Variants in NSUN6 observed in about 807,000 individuals in gnomAD.
The protein encoded by NSUN6 is NOP2/Sun RNA methyltransferase 6.
NSUN6 carries 64 observed loss-of-function variants against 58.0 expected under a neutral mutation model. The ratio of observed to expected loss-of-function variants is 1.10; its 90% CI spans 0.90 to 1.36. The LOEUF (loss-of-function observed/expected upper bound fraction) is 1.36. NSUN6 is among the 40% of genes most tolerant of loss of function. The probability of loss-of-function intolerance (pLI) is 0.00; values close to 1 mark genes in which losing one functional copy is unlikely to be tolerated. For missense variants in NSUN6, 701 were observed against 550.1 expected, an observed-to-expected ratio of 1.27 and a Z score of -2.74; for synonymous variants, 231 against 193.9, an observed-to-expected ratio of 1.19 and a Z score of -1.59.
intron 6 of NSUN6, among the ~76,000 whole-genome samples, chr10:18,606,783 G>A (rs940910666): frequency 6.6e-6 from 1 of 152,132 alleles, no homozygotes; most frequent in Non-Finnish European, 1.5e-5. Flanking sequence ...AGAAAATCCA[G>A]GAATAGACTC....
rs2054220356 is a variant in NSUN6 at position 18,545,871 on chromosome 10, A to AAAAAAAAC, written c.*61_*62insGTTTTTTT. On this transcript the variant is annotated 3_prime_UTR_variant, in exon 11 of 11. Coordinates refer to ENST00000377304, the MANE Select transcript of NSUN6 (RefSeq NM_182543.5). ...GTTGGCCTGACAACACTTTGGTTAA[A>AAAAAAAAC]AAAAAAAAAACCACAGACAGCAAAT... The AAAAAAAAC allele has an allele frequency of 7.0e-6, 7 of 1,004,962 alleles. No homozygotes were observed. The highest frequency in any genetic ancestry group is 2.4e-5 in the East Asian group (1 of 41,726). 62.3% of individuals were successfully genotyped at this position (1,004,962 alleles called of 1,614,324 possible). A position where few individuals can be genotyped will look rare whatever the true frequency, so the allele number is the denominator to read the frequency against.
intron 3 of NSUN6, among the ~76,000 whole-genome samples, chr10:18,627,066 T>G (rs188647851): frequency 7.9e-5 from 12 of 152,320 alleles, no homozygotes; most frequent in African/African-American, 2.6e-4. Flanking sequence ...AAAGGCTCTT[T>G]TATCAAGACA....
intron 8 of NSUN6, among the ~76,000 whole-genome samples, chr10:18,567,962 C>CTCCATTCCATTCCCCAT (rs762868661): frequency 4.0e-5 from 6 of 150,310 alleles, no homozygotes; most frequent in African/African-American, 1.5e-4. Context: ...CTATTCCTTT[C>CTCCATTCCATTCCCCAT]TCCATTCCAT....
intron 6 of NSUN6, among the ~76,000 whole-genome samples, chr10:18,602,607 T>G (rs1329668210): frequency 6.6e-6 from 1 of 152,094 alleles, no homozygotes; most frequent in Non-Finnish European, 1.5e-5. Flanking sequence ...TGACCTCAAG[T>G]GATCCACCTG....
At chr10:18,634,258 C>G (rs1382365367) in intron 3 of NSUN6, among the ~76,000 whole-genome samples, 3 of 152,110 alleles carry the variant, frequency 2.0e-5, no homozygotes, top group African/African-American at 7.2e-5. Flanking sequence ...GCAAACTAAA[C>G]CAGCAGCTGA....
intron 6 of NSUN6, among the ~76,000 whole-genome samples, chr10:18,608,406 C>T (rs879434489): frequency 3.3e-5 from 5 of 152,038 alleles, no homozygotes; most frequent in African/African-American, 9.7e-5. Context: ...AAGGCCAAAA[C>T]GGGAGGATCA....
At chr10:18,546,863 C>T (rs574118380) in intron 10 of NSUN6, among the ~76,000 whole-genome samples, 232 of 150,164 alleles carry the variant, frequency 1.5e-3, no homozygotes, top group Non-Finnish European at 2.9e-3. Flanking sequence ...CAGAGTGACA[C>T]TCCATCTCAA....
chr10:18,628,712 A>C (rs2058918116), intron 3 of NSUN6, among the ~76,000 whole-genome samples: 1 of 152,192 alleles, frequency 6.6e-6, no homozygotes, highest in South Asian at 2.1e-4. Context: ...AGAAAAAAGA[A>C]TAAAAAGAAA....
rs781707761 is a variant in NSUN6, at chr10:18,546,110, A to G, written c.1233T>C (p.Ala411=). 2 of 1,613,618 alleles carry G rather than the reference A, an allele frequency of 1.2e-6. No individual in the cohort carries two copies. Among genetic ancestry groups the G allele is most frequent in the South Asian group, 2.2e-5 (2 of 90,990 alleles). ...GTTTCAACTGTTCACATGAGAGCCCAGCTCCCCTCATTCCTTCTCCTCCAA... is the reference window on the plus strand; with the variant it reads ...GTTTCAACTGTTCACATGAGAGCCCGGCTCCCCTCATTCCTTCTCCTCCAA... The part of the protein sequence containing the change: ...PQIGGEGMRG[A]GLSCEQLKQL... The change falls in exon 11 of 11, where the codon GCT becomes GCC. Residue 411 remains alanine, a synonymous_variant. Transcript: ENST00000377304.
intron 3 of NSUN6, among the ~76,000 whole-genome samples, chr10:18,641,222 A>G (rs962270868): frequency 6.6e-6 from 1 of 152,192 alleles, no homozygotes; most frequent in African/African-American, 2.4e-5. Flanking sequence ...TGAAGTTTTA[A>G]CAAACTTCAA....
chr10:18,651,144 G>A lies in NSUN6; in HGVS notation c.60C>T (p.Gly20=), dbSNP rs758500228. 2 of 1,574,600 alleles carry A rather than the reference G, an allele frequency of 1.3e-6. No individual in the cohort carries two copies. Among genetic ancestry groups the A allele is most frequent in the Non-Finnish European group, 1.7e-6 (2 of 1,168,870 alleles). Reference sequence around the variant, plus strand: ...CTTGACCTACCTCCTTATTCATAAAGCCTTCCTTAAGATAGTTTTCAACCT... The same window carrying A: ...CTTGACCTACCTCCTTATTCATAAAACCTTCCTTAAGATAGTTTTCAACCT... ...RPEVENYLKE[G]FMNKEIVTAL... is the part of the protein sequence containing the mutation. Residue 20 remains glycine, a synonymous_variant, in exon 1 of 11, where the codon GGC becomes GGT. Transcript: ENST00000377304.
At chr10:18,568,450 CTCCAT>C (rs1375865868) in intron 8 of NSUN6, among the ~76,000 whole-genome samples, 2 of 149,742 alleles carry the variant, frequency 1.3e-5, no homozygotes, top group African/African-American at 2.4e-5. Flanking sequence ...CCAGCTCCAT[CTCCAT>C]TCCATTCCAT....
intron 3 of NSUN6, among the ~76,000 whole-genome samples, chr10:18,632,056 G>C (rs1272363505): frequency 2.0e-5 from 3 of 150,222 alleles, no homozygotes; most frequent in Admixed American, 6.6e-5. Context: ...CCAAAACAGA[G>C]ATATAGATCA....
intron 8 of NSUN6, among the ~76,000 whole-genome samples, chr10:18,569,364 T>C (rs568687830): frequency 6.6e-6 from 1 of 151,236 alleles, no homozygotes; most frequent in East Asian, 2.0e-4. Flanking sequence ...CATTGCATTC[T>C]CCATTCCATT....
At position 18,545,978 on chromosome 10, in the gene NSUN6, A is replaced by T; in HGVS notation, c.1365T>A (p.Ser455=). The change falls in exon 11 of 11, where the codon TCT becomes TCA. Residue 455 remains serine (S), a synonymous_variant. Transcript: ENST00000377304. ...EDMLRLANKD[S]IGFFIAKFVK... is the part of the protein sequence containing the mutation. ...CAAATTTTGCAATAAAAAAACCTAT[A>T]GAGTCCTTATTAGCCAGACGCAACA... 1.3e-6 allele frequency: 2 copies of T among 1,584,728 alleles called. No homozygotes were observed. Among genetic ancestry groups the T allele is most frequent in the African/African-American group, 2.8e-5 (2 of 72,712 alleles).
intron 7 of NSUN6, among the ~76,000 whole-genome samples, chr10:18,592,641 T>C (rs1299772772): frequency 6.6e-6 from 1 of 152,146 alleles, no homozygotes; most frequent in African/African-American, 2.4e-5. Context: ...TAATAAATGG[T>C]GCTGGGAAAA....
chr10:18,546,648 C>A (rs569059494), intron 10 of NSUN6, among the ~76,000 whole-genome samples: 1 of 152,062 alleles, frequency 6.6e-6, no homozygotes, highest in Non-Finnish European at 1.5e-5. Flanking sequence ...GAGGCCGAGG[C>A]GGGCTGATTA....
Position 18,556,590 on chromosome 10 carries a change from G to A in NSUN6, c.923-4619C>T, listed in dbSNP as rs1193736298. Among the ~76,000 whole-genome samples the A allele has an allele frequency of 2.6e-5, 4 of 151,320 alleles. No individual in the cohort carries two copies. In the East Asian group the frequency reaches 7.8e-4, roughly 30 times the overall value. On this transcript the variant is annotated intron_variant, in intron 8 of 10. Coordinates refer to ENST00000377304, the MANE Select transcript of NSUN6 (RefSeq NM_182543.5). ...GTTATGGAATGGAGGATGGTGTGGA[G>A]AATGGAATGGAATAGACAATGGAAT...
chr10:18,548,000 C>T (rs910421098), intron 10 of NSUN6, 112 bp downstream of exon 10: 1 of 1,001,138 alleles, frequency 1.0e-6, no homozygotes. Context: ...TTGTTTATTA[C>T]AGTGTTCACT....
Sources: gnomAD v4.1 joint callset for allele counts (sites outside exome capture counted in the v4.1 genomes callset) on GRCh38, gnomAD v4.1.1 for gene constraint, MANE v1.5 for transcripts, NCBI Gene and HGNC (gene_info 2026-07-23, HGNC 2026-07-21) for gene names.